CEP126: variants seen among roughly 807,000 people sequenced by gnomAD.
CEP126 encodes centrosomal protein 126.
In CEP126, 74 loss-of-function variants were observed where a neutral mutation model predicts 107.8. The observed-to-expected ratio is 0.69, with a 90% confidence interval of 0.57 to 0.83. CEP126 has a LOEUF of 0.83. Among genes scored for constraint, CEP126 ranks in the 40% least tolerant of loss-of-function variants. The pLI is 0.00. For missense variants in CEP126, 1,237 were observed against 1,281.9 expected, an observed-to-expected ratio of 0.96 and a Z score of 0.53; for synonymous variants, 449 against 446.0, an observed-to-expected ratio of 1.01 and a Z score of -0.08.
intron 8 of CEP126, among the ~76,000 whole-genome samples, chr11:101,984,732 C>G (rs901357261): frequency 6.6e-6 from 1 of 152,144 alleles, no homozygotes; most frequent in African/African-American, 2.4e-5. Context: ...GTAAATGAGG[C>G]AAAAGTCTCT....
intron 1 of CEP126, chr11:101,915,889 T>C (rs907769633): frequency 6.6e-6 from 1 of 152,508 alleles, no homozygotes; most frequent in African/African-American, 2.4e-5. Flanking sequence ...GTTTGGTAAG[T>C]TGTTTTGTTT....
At position 101,978,340 on chromosome 11, in the gene CEP126, GT is replaced by G. The variant is rs747245626; in HGVS notation, c.2846-4del. 2 of 1,592,162 alleles carry G rather than the reference GT, an allele frequency of 1.3e-6. No individual in the cohort carries two copies. Among genetic ancestry groups the G allele is most frequent in the East Asian group, 2.2e-5 (1 of 44,668 alleles). On this transcript the variant is annotated splice_region_variant and splice_polypyrimidine_tract_variant and intron_variant, in intron 6 of 10. Coordinates refer to ENST00000263468, the MANE Select transcript of CEP126 (RefSeq NM_020802.4). ...AATTTTTAACATTGTGCTGGCATTT[GT>G]TTAAGGGTCTACTGTTATGAGAAGA...
At chr11:101,934,918 AAGT>A (rs1226041045) in intron 2 of CEP126, among the ~76,000 whole-genome samples, 1 of 152,062 alleles carries the variant, frequency 6.6e-6, no homozygotes, top group African/African-American at 2.4e-5. Flanking sequence ...AGTAAACTAA[AAGT>A]AGAATTGGTA....
Position 101,963,137 on chromosome 11 carries a change from T to A in CEP126, c.2102T>A (p.Leu701Ter). Residue 701 changes from leucine (L) to a stop codon, truncating the protein, a stop_gained, in exon 6 of 11, where the codon TTA becomes TAA. Coordinates refer to ENST00000263468, the MANE Select transcript of CEP126 (RefSeq NM_020802.4). LOFTEE classifies it high-confidence loss of function. ...EDSISENVTT[L>*]GGSGADHMPL... ...TCTATCTCTGAAAATGTTACGACTT[T>A]AGGAGGATCTGGAGCAGACCATATG... 1 of 1,614,092 alleles carries A rather than the reference T, an allele frequency of 6.2e-7. No individual in the cohort carries two copies. The highest frequency in any genetic ancestry group is 2.2e-5 in the East Asian group (1 of 44,866).
chr11:101,954,118 C>G (rs990666254), intron 4 of CEP126, among the ~76,000 whole-genome samples: 2 of 152,062 alleles, frequency 1.3e-5, no homozygotes, highest in African/African-American at 4.8e-5. Context: ...ACCTCCACCT[C>G]CCGGGTTCAA....
intron 6 of CEP126, among the ~76,000 whole-genome samples, chr11:101,965,895 A>G (rs1941052234): frequency 6.6e-6 from 1 of 152,186 alleles, no homozygotes. Flanking sequence ...AAAATCATAT[A>G]GTAAATATAG....
intron 2 of CEP126, among the ~76,000 whole-genome samples, chr11:101,938,796 T>A (rs1940628219): frequency 6.6e-6 from 1 of 152,160 alleles, no homozygotes; most frequent in South Asian, 2.1e-4. Context: ...AAATTTTTTT[T>A]ACTTCTCTTT....
intron 6 of CEP126, among the ~76,000 whole-genome samples, chr11:101,978,128 A>C (rs897319060): frequency 4.6e-5 from 7 of 152,220 alleles, no homozygotes; most frequent in Non-Finnish European, 8.8e-5. Flanking sequence ...TTACTGCTCT[A>C]AACTATAAAT....
chr11:101,991,843 G>A (rs1941386590), intron 9 of CEP126, among the ~76,000 whole-genome samples: 1 of 152,146 alleles, frequency 6.6e-6, no homozygotes, highest in African/African-American at 2.4e-5. Context: ...AATAAAGACA[G>A]TACAATTCTA....
chr11:101,937,728 A>C (rs931872241), intron 2 of CEP126, among the ~76,000 whole-genome samples: 4 of 152,202 alleles, frequency 2.6e-5, no homozygotes, highest in African/African-American at 9.7e-5. Flanking sequence ...CGTTTGACAA[A>C]AAAATTATAA....
chr11:101,998,097 A>C lies in CEP126; in HGVS notation c.*454A>C, dbSNP rs1249189317. 1 of 153,876 alleles carries C rather than the reference A, an allele frequency of 6.5e-6. No homozygotes were observed. The highest frequency in any genetic ancestry group is 1.9e-4 in the East Asian group (1 of 5,260). The allele number at this position is 153,876 out of a possible 1,614,324, so 9.5% of individuals were successfully genotyped here. On this transcript the variant is annotated 3_prime_UTR_variant, in exon 11 of 11. Coordinates refer to ENST00000263468, the MANE Select transcript of CEP126 (RefSeq NM_020802.4). The stretch of plus-strand genomic sequence containing the variant: ...AAGTATGGCATATTTTGATTTTTTT[A>C]ATTGTAATAAATATTCTTAAAGTTA...
chr11:101,915,960 C>T (rs1170255578), intron 1 of CEP126: 1 of 152,274 alleles, frequency 6.6e-6, no homozygotes, highest in East Asian at 1.9e-4. Context: ...AACAGGGGAC[C>T]TGGACGCTTT....
intron 4 of CEP126, among the ~76,000 whole-genome samples, chr11:101,952,744 A>G (rs989788392): frequency 1.2e-4 from 18 of 152,210 alleles, no homozygotes; most frequent in African/African-American, 4.3e-4. Flanking sequence ...GAGATATTCA[A>G]GAGCCAATTT....
chr11:101,927,504 C>T (rs1370123073), intron 2 of CEP126, among the ~76,000 whole-genome samples: 1 of 152,046 alleles, frequency 6.6e-6, no homozygotes, highest in Non-Finnish European at 1.5e-5. Flanking sequence ...AGAAATAGAA[C>T]AGTTCCATCA....
intron 4 of CEP126, among the ~76,000 whole-genome samples, chr11:101,955,088 G>A (rs1225556564): frequency 6.6e-6 from 1 of 151,914 alleles, no homozygotes; most frequent in Admixed American, 6.6e-5. Context: ...TCATGTAAAA[G>A]AGAAAAAAAA....
intron 5 of CEP126, among the ~76,000 whole-genome samples, chr11:101,960,521 T>G (rs1208288416): frequency 6.6e-6 from 1 of 152,168 alleles, no homozygotes. Context: ...GTTCCCTGTT[T>G]GGGTTGAGTG....
chr11:101,949,359 T>C (rs1399014945), intron 4 of CEP126, among the ~76,000 whole-genome samples: 3 of 152,192 alleles, frequency 2.0e-5, no homozygotes, highest in Admixed American at 6.5e-5. Flanking sequence ...CAATCCATTG[T>C]GAACAATTGT....
Position 101,915,246 on chromosome 11 carries a change from G to T in CEP126, c.-39G>T. ...GGAAGCCGGAGCTGCCATGAGGGAG[G>T]TTCTGGGGGCGAGCAGACAGGCGGC... On this transcript the variant is annotated 5_prime_UTR_variant, in exon 1 of 11. Coordinates refer to ENST00000263468, the MANE Select transcript of CEP126 (RefSeq NM_020802.4). 1 of 1,611,252 alleles carries T rather than the reference G, an allele frequency of 6.2e-7. No homozygotes were observed. Among genetic ancestry groups the T allele is most frequent in the Admixed American group, 1.7e-5 (1 of 59,954 alleles).
At chr11:101,922,251 G>A (rs992069429) in intron 1 of CEP126, among the ~76,000 whole-genome samples, 87 of 147,198 alleles carry the variant, frequency 5.9e-4, no homozygotes, top group African/African-American at 1.6e-3. Flanking sequence ...TGCAACCTCC[G>A]CCTCCCGGGT....
Sources: allele counts gnomAD v4.1 joint callset (sites outside exome capture counted in the v4.1 genomes callset), GRCh38; gene constraint gnomAD v4.1.1; transcripts MANE v1.5; gene names NCBI Gene and HGNC (gene_info 2026-07-23, HGNC 2026-07-21).